The following RBFOX1 variants were observed in gnomAD, a reference collection of about 807,000 sequenced individuals.
RBFOX1 encodes the protein RNA binding protein fox-1 homolog 1.
In RBFOX1, 8 loss-of-function variants were observed where a neutral mutation model predicts 57.7. The observed-to-expected ratio is 0.14, with a 90% CI of 0.08 to 0.25. RBFOX1 has a LOEUF of 0.25. Ranked by LOEUF, RBFOX1 falls within the 10% of genes least tolerant of loss-of-function variation. The pLI, the probability that RBFOX1 is intolerant of heterozygous loss-of-function variation, is 1.00. For synonymous variants in RBFOX1, 326 were observed against 222.4 expected (o/e 1.47, Z -4.15); for missense variants, 611 against 548.5 (o/e 1.11, Z -1.14).
chr16:6,483,967 C>A, intron 2 of RBFOX1: 3 of 1,030,178 alleles, frequency 2.9e-6, no homozygotes, highest in Non-Finnish European at 3.5e-6. Context: ...GCTCAGGGCT[C>A]GCCCTGGGTG....
At chr16:7,086,721 T>TACACACACACACACATACAG (rs1555460281) in intron 4 of RBFOX1, among the ~76,000 whole-genome samples, 1 of 149,476 alleles carries the variant, frequency 6.7e-6, no homozygotes, top group Non-Finnish European at 1.5e-5. Flanking sequence ...GAAGAATGTA[T>TACACACACACACACATACAG]ACACACACAC....
chr16:6,777,889 C>G (rs1386599237), intron 3 of RBFOX1, among the ~76,000 whole-genome samples: 1 of 152,140 alleles, frequency 6.6e-6, no homozygotes, highest in African/African-American at 2.4e-5. Flanking sequence ...AAGCTGACTT[C>G]CATCCATATT....
At chr16:5,950,213 T>A (rs57081475) in intron 4 of RBFOX1, among the ~76,000 whole-genome samples, 2,751 of 152,344 alleles carry the variant, frequency 0.018, 82 homozygotes, top group African/African-American at 0.062. Flanking sequence ...ACACGGACTT[T>A]CAAGGCAGAC....
intron 1 of RBFOX1, among the ~76,000 whole-genome samples, chr16:6,025,561 G>C (rs1567283367): frequency 6.6e-6 from 1 of 152,162 alleles, no homozygotes; most frequent in Non-Finnish European, 1.5e-5. Flanking sequence ...TTGATGGCTT[G>C]ACTGACAAGT....
At chr16:5,684,498 G>A (rs772485985) in intron 3 of RBFOX1, among the ~76,000 whole-genome samples, 1 of 152,094 alleles carries the variant, frequency 6.6e-6, no homozygotes, top group Non-Finnish European at 1.5e-5. Flanking sequence ...GTGTAGGTTT[G>A]TGTGTGTGTC....
chr16:5,958,116 C>T (rs1475010618), intron 4 of RBFOX1, among the ~76,000 whole-genome samples: 3 of 152,152 alleles, frequency 2.0e-5, no homozygotes, highest in Non-Finnish European at 4.4e-5. Context: ...ATAGTGATGG[C>T]ACTACCTTTG....
At chr16:7,132,079 C>A (rs1469642520) in intron 4 of RBFOX1, among the ~76,000 whole-genome samples, 1 of 150,720 alleles carries the variant, frequency 6.6e-6, no homozygotes, top group Non-Finnish European at 1.5e-5. Context: ...GCAACCTCTG[C>A]CGCCCGGGCT....
At chr16:7,589,558 G>C (rs1011231191) in intron 7 of RBFOX1, among the ~76,000 whole-genome samples, 2 of 144,068 alleles carry the variant, frequency 1.4e-5, no homozygotes, top group African/African-American at 5.2e-5. Context: ...CGGTGGGTAT[G>C]CGCCCTCTGA....
At chr16:6,524,041 G>A (rs555491145) in intron 2 of RBFOX1, among the ~76,000 whole-genome samples, 1 of 152,146 alleles carries the variant, frequency 6.6e-6, no homozygotes, top group South Asian at 2.1e-4. Context: ...AAATGTACAG[G>A]TAAGTTATTA....
chr16:7,681,935 C>G (rs1470637775), intron 14 of RBFOX1, among the ~76,000 whole-genome samples: 1 of 152,080 alleles, frequency 6.6e-6, no homozygotes, highest in East Asian at 1.9e-4. Context: ...AAGGAGAGAT[C>G]TCAAGATCTT....
intron 1 of RBFOX1, among the ~76,000 whole-genome samples, chr16:5,433,259 A>G (rs908862779): frequency 6.6e-6 from 1 of 152,126 alleles, no homozygotes; most frequent in East Asian, 1.9e-4. Context: ...GGACATCTTG[A>G]AAGGAGGCCC....
At chr16:5,712,828 A>G (rs1045209038) in intron 3 of RBFOX1, among the ~76,000 whole-genome samples, 1 of 152,166 alleles carries the variant, frequency 6.6e-6, no homozygotes, top group Non-Finnish European at 1.5e-5. Context: ...CTTTTGCCAC[A>G]TACACTTGAC....
At chr16:7,410,043 G>T (rs2098407373) in intron 4 of RBFOX1, among the ~76,000 whole-genome samples, 1 of 150,890 alleles carries the variant, frequency 6.6e-6, no homozygotes, top group South Asian at 2.2e-4. Flanking sequence ...AATTAAAGCT[G>T]CATCTTACAT....
At chr16:7,311,070 G>C (rs1568150238) in intron 4 of RBFOX1, among the ~76,000 whole-genome samples, 1 of 152,176 alleles carries the variant, frequency 6.6e-6, no homozygotes, top group Non-Finnish European at 1.5e-5. Context: ...TAAGTTCTTT[G>C]TGATGCTTTT....
At chr16:7,251,954 A>C (rs2153025424) in intron 4 of RBFOX1, among the ~76,000 whole-genome samples, 1 of 152,320 alleles carries the variant, frequency 6.6e-6, no homozygotes, top group African/African-American at 2.4e-5. Flanking sequence ...ATTCCCACCA[A>C]CAGTGGGGCA....
chr16:6,741,705 C>T (rs2154183174), intron 3 of RBFOX1, among the ~76,000 whole-genome samples: 1 of 150,958 alleles, frequency 6.6e-6, no homozygotes, highest in African/African-American at 2.4e-5. Flanking sequence ...GGTCTCTGAA[C>T]AATCCTGTTA....
chr16:5,827,299 C>G (rs2056094129), intron 3 of RBFOX1, among the ~76,000 whole-genome samples: 4 of 149,934 alleles, frequency 2.7e-5, no homozygotes, highest in African/African-American at 2.5e-5. Flanking sequence ...ACTAGGGAGG[C>G]TGAGGCAGGA....
intron 2 of RBFOX1, among the ~76,000 whole-genome samples, chr16:6,436,140 C>T (rs1036169402): frequency 1.3e-5 from 2 of 152,058 alleles, no homozygotes; most frequent in African/African-American, 4.8e-5. Context: ...TATGCATTTT[C>T]TCTTCTGGTT....
chr16:6,765,092 C>T (rs2077146760), intron 3 of RBFOX1, among the ~76,000 whole-genome samples: 1 of 151,880 alleles, frequency 6.6e-6, no homozygotes, highest in African/African-American at 2.4e-5. Context: ...GCGAGGGAAT[C>T]TGGGGAAGCG....
Sources: allele counts gnomAD v4.1 joint callset (sites outside exome capture counted in the v4.1 genomes callset), GRCh38; gene constraint gnomAD v4.1.1; transcripts MANE v1.5; gene names NCBI Gene and HGNC (gene_info 2026-07-23, HGNC 2026-07-21).